HPSE2: variants seen among roughly 807,000 people sequenced by gnomAD.
HPSE2 encodes inactive heparanase-2.
In HPSE2, 38 loss-of-function variants were observed where a neutral mutation model predicts 60.5. The observed-to-expected ratio is 0.63, with a 90% CI of 0.48 to 0.82. The LOEUF (loss-of-function observed/expected upper bound fraction) is 0.82, where lower values mean the gene tolerates loss of function less well. Among genes scored for constraint, HPSE2 ranks in the 40% least tolerant of loss-of-function variants. The pLI is 0.00. For synonymous variants in HPSE2, 295 were observed against 293.2 expected (o/e 1.01, Z -0.06); for missense variants, 713 against 740.4 (o/e 0.96, Z 0.43).
intron 3 of HPSE2, among the ~76,000 whole-genome samples, chr10:99,041,135 A>G (rs1043189392): frequency 6.6e-6 from 1 of 152,188 alleles, no homozygotes; most frequent in Non-Finnish European, 1.5e-5. Context: ...ATTGATCTGA[A>G]ATGTCACAAC....
At chr10:99,160,581 G>A (rs947163555) in intron 2 of HPSE2, among the ~76,000 whole-genome samples, 1 of 152,178 alleles carries the variant, frequency 6.6e-6, no homozygotes, top group African/African-American at 2.4e-5. Context: ...CTACCTGACA[G>A]AAATGAAAGC....
At chr10:98,478,610 C>A (rs1260018223) in intron 11 of HPSE2, among the ~76,000 whole-genome samples, 1 of 152,220 alleles carries the variant, frequency 6.6e-6, no homozygotes, top group Admixed American at 6.5e-5. Context: ...GAAGTGAAAT[C>A]TATCTCTTTT....
At chr10:98,952,235 G>T (rs1467907452) in intron 3 of HPSE2, among the ~76,000 whole-genome samples, 2 of 151,994 alleles carry the variant, frequency 1.3e-5, no homozygotes, top group Non-Finnish European at 2.9e-5. Context: ...CCGTGGCTCT[G>T]CCACTCCAGT....
chr10:99,123,290 A>C (rs1845030946), intron 3 of HPSE2, among the ~76,000 whole-genome samples: 1 of 152,246 alleles, frequency 6.6e-6, no homozygotes, highest in Non-Finnish European at 1.5e-5. Context: ...AAAAAGGCAT[A>C]GAATATGAAA....
At chr10:98,817,226 T>C (rs954970538) in intron 3 of HPSE2, among the ~76,000 whole-genome samples, 3 of 152,200 alleles carry the variant, frequency 2.0e-5, no homozygotes, top group African/African-American at 7.2e-5. Flanking sequence ...ATTCTTATTA[T>C]AAGTTTCGGA....
At chr10:98,548,294 C>T (rs1943754172) in intron 9 of HPSE2, among the ~76,000 whole-genome samples, 4 of 152,098 alleles carry the variant, frequency 2.6e-5, no homozygotes, top group Admixed American at 1.3e-4. Flanking sequence ...AGGCAAATTC[C>T]CTTCCCCCTC....
chr10:98,510,078 T>A (rs1564928647), intron 9 of HPSE2, among the ~76,000 whole-genome samples: 1 of 152,160 alleles, frequency 6.6e-6, no homozygotes, highest in South Asian at 2.1e-4. Flanking sequence ...TAATATTAAC[T>A]CACGAATGTG....
At chr10:98,955,899 T>C (rs749196420) in intron 3 of HPSE2, among the ~76,000 whole-genome samples, 6 of 151,956 alleles carry the variant, frequency 3.9e-5, no homozygotes, top group Non-Finnish European at 7.4e-5. Flanking sequence ...AAGTGGGAGC[T>C]GAACAACAAG....
chr10:98,883,214 A>G (rs186573137), intron 3 of HPSE2, among the ~76,000 whole-genome samples: 164 of 152,262 alleles, frequency 1.1e-3, no homozygotes, highest in Middle Eastern at 0.01. Flanking sequence ...CAATTTAAAA[A>G]AAAACTTTTT....
chr10:98,470,927 G>C (rs1940754868), intron 11 of HPSE2, among the ~76,000 whole-genome samples: 1 of 152,202 alleles, frequency 6.6e-6, no homozygotes. Flanking sequence ...ACAGTGAAAA[G>C]CCTAGATTCC....
At chr10:99,158,576 G>A (rs1387251644) in intron 2 of HPSE2, among the ~76,000 whole-genome samples, 3 of 143,212 alleles carry the variant, frequency 2.1e-5, no homozygotes, top group African/African-American at 7.8e-5. Flanking sequence ...ACACAGGAAG[G>A]GGACTATCAC....
At chr10:98,814,804 T>C (rs1951247039) in intron 3 of HPSE2, among the ~76,000 whole-genome samples, 1 of 152,224 alleles carries the variant, frequency 6.6e-6, no homozygotes. Flanking sequence ...TTATTTGTTG[T>C]TTCTTAGTGC....
chr10:99,047,509 A>C, intron 3 of HPSE2: 1 of 411,050 alleles, frequency 2.4e-6, no homozygotes, highest in Non-Finnish European at 4.3e-6. Flanking sequence ...GCACAGCAAA[A>C]GAAACTATTA....
chr10:98,743,778 T>C, intron 4 of HPSE2, 105 bp downstream of exon 4: 1 of 1,066,976 alleles, frequency 9.4e-7, no homozygotes. Flanking sequence ...CACAAACGTT[T>C]TCTGGGCCAG....
At chr10:98,844,774 A>G (rs1951997388) in intron 3 of HPSE2, among the ~76,000 whole-genome samples, 1 of 152,188 alleles carries the variant, frequency 6.6e-6, no homozygotes, top group African/African-American at 2.4e-5. Flanking sequence ...TAATATTTAA[A>G]CTTTATAACA....
intron 6 of HPSE2, among the ~76,000 whole-genome samples, chr10:98,681,900 A>G (rs11189747): frequency 0.039 from 5,922 of 152,294 alleles, 254 homozygotes; most frequent in East Asian, 0.17. Context: ...TAAATATTTT[A>G]AAATGTGTTT....
intron 3 of HPSE2, among the ~76,000 whole-genome samples, chr10:99,051,640 A>T (rs940205283): frequency 6.6e-6 from 1 of 152,228 alleles, no homozygotes; most frequent in African/African-American, 2.4e-5. Flanking sequence ...TGAGACTCCA[A>T]AAAGTCTGGT....
intron 3 of HPSE2, among the ~76,000 whole-genome samples, chr10:98,818,726 T>G (rs1434230627): frequency 6.6e-6 from 1 of 152,164 alleles, no homozygotes; most frequent in Non-Finnish European, 1.5e-5. Flanking sequence ...AGGCAGTACA[T>G]AATTATTATA....
At chr10:98,756,671 A>G (rs139378025) in intron 3 of HPSE2, among the ~76,000 whole-genome samples, 2 of 152,258 alleles carry the variant, frequency 1.3e-5, no homozygotes, top group Non-Finnish European at 2.9e-5. Context: ...AAATTCAATC[A>G]GTAGTTACAA....
Sources: allele counts gnomAD v4.1 joint callset (sites outside exome capture counted in the v4.1 genomes callset), GRCh38; gene constraint gnomAD v4.1.1; transcripts MANE v1.5; gene names NCBI Gene and HGNC (gene_info 2026-07-23, HGNC 2026-07-21).